TRIM34: variants seen among roughly 807,000 people sequenced by gnomAD.
TRIM34 encodes the protein tripartite motif containing 34.
In TRIM34, 41 loss-of-function variants were observed where a neutral mutation model predicts 38.1. The ratio of observed to expected loss-of-function variants is 1.08; its 90% CI spans 0.84 to 1.40. TRIM34 has a LOEUF of 1.40. TRIM34 is among the 40% of genes most tolerant of loss of function. The probability of loss-of-function intolerance (pLI) is 0.00; values close to 1 mark genes in which losing one functional copy is unlikely to be tolerated. For missense variants in TRIM34, 556 were observed against 571.4 expected (o/e 0.97, Z 0.27); for synonymous variants, 200 against 202.5 (o/e 0.99, Z 0.10).
In TRIM34 at chr11:5,634,329, A is replaced by T. The variant is rs190711157; in HGVS notation, c.520-302A>T. 2.6e-5 allele frequency among the ~76,000 whole-genome samples: 4 copies of T among 152,108 alleles called. No homozygotes were observed. The East Asian group carries it at 7.7e-4, about 29-fold the overall frequency. ...GTCTCAGGGTTGGCCTAGATAAGAC[A>T]GTTTGAGGTCATTGTTTTGGTAGGT... On this transcript the variant is annotated intron_variant, in intron 3 of 7. Transcript: ENST00000429814.
intron 5 of TRIM34, 63 bp downstream of exon 5, chr11:5,641,252 G>A: frequency 6.2e-7 from 1 of 1,610,984 alleles, no homozygotes; most frequent in Non-Finnish European, 8.5e-7. Flanking sequence ...AGCTATTAGA[G>A]TTATTTGGTG....
At position 5,643,281 on chromosome 11, in the gene TRIM34, G is replaced by A; in HGVS notation, c.1039G>A (p.Gly347Arg). Residue 347 changes from glycine to arginine, a missense_variant, in exon 8 of 8, where the codon GGG (glycine) becomes AGG (arginine). Transcript: ENST00000429814. ...CTTGGGATCCCAATATTTCTCCTCTGGGAAACATTACTGGGAAGTGGACGT... is the reference window on the plus strand; with the variant it reads ...CTTGGGATCCCAATATTTCTCCTCTAGGAAACATTACTGGGAAGTGGACGT... ...GVLGSQYFSS[G>R]KHYWEVDVSK... is the part of the protein sequence containing the mutation. 1 of 1,614,044 alleles carries A rather than the reference G, an allele frequency of 6.2e-7. No individual in the cohort carries two copies. Among genetic ancestry groups the A allele is most frequent in the Admixed American group, 1.7e-5 (1 of 60,010 alleles).
intron 4 of TRIM34, among the ~76,000 whole-genome samples, chr11:5,637,430 G>C (rs1324324909): frequency 3.9e-5 from 6 of 152,144 alleles, no homozygotes; most frequent in Non-Finnish European, 5.9e-5. Flanking sequence ...AATTAGATGA[G>C]ATTTTAGGTT....
intron 4 of TRIM34, 33 bp from the exon 5 acceptor site, chr11:5,641,134 C>T (rs771708508): frequency 2.5e-6 from 4 of 1,610,590 alleles, no homozygotes; most frequent in Non-Finnish European, 3.4e-6. Flanking sequence ...AGTCTTTATA[C>T]ACTTTGACTC....
At position 5,634,885 on chromosome 11, in the gene TRIM34, G is replaced by C. The variant is rs770047012; in HGVS notation, c.750+24G>C. 3.3e-5 allele frequency: 53 copies of C among 1,604,706 alleles called. No individual in the cohort carries two copies. The Middle Eastern group carries it at 7.8e-4, about 23-fold the overall frequency. ...AGGTAAGAAGGTTCGCTCAATCTGA[G>C]ATTCTGGGAACACAGTTCCCTCCTG... On this transcript the variant is annotated intron_variant, in intron 4 of 7. Transcript: ENST00000429814.
At chr11:5,639,684 A>C (rs1849910701) in intron 4 of TRIM34, among the ~76,000 whole-genome samples, 1 of 142,720 alleles carries the variant, frequency 7.0e-6, no homozygotes, top group Non-Finnish European at 1.5e-5. Context: ...TATTTCAAAA[A>C]AAAAAAAAAA....
Position 5,642,815 on chromosome 11 carries a change from A to G in TRIM34, c.875-2A>G. ...GCATCACTGAATCTTTTATTATTTC[A>G]GAACTGACAGCTGTCCGGTGCTACT... On this transcript the variant is annotated splice_acceptor_variant, in intron 6 of 7. Coordinates refer to ENST00000429814, the MANE Select transcript of TRIM34 (RefSeq NM_021616.6). LOFTEE classifies it high-confidence loss of function. The G allele has an allele frequency of 6.2e-7, 1 of 1,613,988 alleles. No individual in the cohort carries two copies. The highest frequency in any genetic ancestry group is 2.2e-5 in the East Asian group (1 of 44,852).
At chr11:5,640,035 A>C (rs984067990) in intron 4 of TRIM34, among the ~76,000 whole-genome samples, 1 of 152,216 alleles carries the variant, frequency 6.6e-6, no homozygotes, top group African/African-American at 2.4e-5. Context: ...ATTATTGTTG[A>C]CTATAGTCAC....
upstream of TRIM34, among the ~76,000 whole-genome samples, chr11:5,622,323 T>C (rs1266005069): frequency 1.3e-5 from 2 of 151,880 alleles, no homozygotes; most frequent in Non-Finnish European, 2.9e-5. Context: ...CAGGTGCCTG[T>C]AGTCCCGGCT....
intron 1 of TRIM34, among the ~76,000 whole-genome samples, chr11:5,625,654 A>AGGT: frequency 6.6e-6 from 1 of 152,224 alleles, no homozygotes; most frequent in South Asian, 2.1e-4. Flanking sequence ...TGACAATAGC[A>AGGT]GGTTGAGTGA....
chr11:5,630,239 T>TGATGGC (rs1230356396), intron 1 of TRIM34, among the ~76,000 whole-genome samples: 6 of 152,206 alleles, frequency 3.9e-5, no homozygotes, highest in Non-Finnish European at 8.8e-5. Flanking sequence ...CAGGGGATGG[T>TGATGGC]GATGGCGATG....
rs1422529601 is a variant in TRIM34, at chr11:5,632,265, G to T, written c.-67G>T. ...TTTCAATCTTCTCAGCCATCCAGGGGTCTTTAACCAGAAGAGAGAGGAGAG... is the reference window on the plus strand; with the variant it reads ...TTTCAATCTTCTCAGCCATCCAGGGTTCTTTAACCAGAAGAGAGAGGAGAG... On this transcript the variant is annotated 5_prime_UTR_variant, in exon 2 of 8. Transcript: ENST00000429814. 7 of 1,607,134 alleles carry T rather than the reference G, an allele frequency of 4.4e-6. No individual in the cohort carries two copies. In the African/African-American group the frequency reaches 8.1e-5, roughly 18 times the overall value.
At chr11:5,625,132 A>G (rs1387378715) in intron 1 of TRIM34, 72 bp downstream of exon 1, 1 of 152,052 alleles carries the variant, frequency 6.6e-6, no homozygotes, top group Non-Finnish European at 1.5e-5. Context: ...AAGTTAGGGG[A>G]ATTTGATTTA....
chr11:5,628,209 C>T (rs990831338), intron 1 of TRIM34, among the ~76,000 whole-genome samples: 75 of 152,242 alleles, frequency 4.9e-4, no homozygotes, highest in African/African-American at 1.8e-3. Flanking sequence ...CATGAAGTCA[C>T]AGCCCGTGGC....
intron 4 of TRIM34, among the ~76,000 whole-genome samples, chr11:5,637,736 T>A (rs1380764814): frequency 6.6e-6 from 1 of 152,142 alleles, no homozygotes; most frequent in African/African-American, 2.4e-5. Context: ...AAAAAACAGC[T>A]CCCCATTCCC....
chr11:5,629,786 G>C (rs758280723), intron 1 of TRIM34, among the ~76,000 whole-genome samples: 11 of 152,208 alleles, frequency 7.2e-5, no homozygotes, highest in East Asian at 3.9e-4. Context: ...CGGCTCACTG[G>C]AAGCTCTGCC....
At chr11:5,629,524 A>G (rs1284501972) in intron 1 of TRIM34, among the ~76,000 whole-genome samples, 1 of 152,136 alleles carries the variant, frequency 6.6e-6, no homozygotes, top group Non-Finnish European at 1.5e-5. Context: ...TCAGGTTCTG[A>G]GAATTGGCAT....
chr11:5,626,315 A>T (rs1009690836), intron 1 of TRIM34, among the ~76,000 whole-genome samples: 2 of 152,244 alleles, frequency 1.3e-5, no homozygotes, highest in Non-Finnish European at 2.9e-5. Context: ...GACCATATCG[A>T]TGAATGTTAG....
At chr11:5,621,588 A>G (rs1487521406), upstream of TRIM34, among the ~76,000 whole-genome samples, 1 of 152,192 alleles carries the variant, frequency 6.6e-6, no homozygotes. Flanking sequence ...TGATTTTTCT[A>G]CCATTAATAT....
Sources: allele counts gnomAD v4.1 joint callset (sites outside exome capture counted in the v4.1 genomes callset), GRCh38; gene constraint gnomAD v4.1.1; transcripts MANE v1.5; gene names NCBI Gene and HGNC (gene_info 2026-07-23, HGNC 2026-07-21).